Variants in PATJ observed in about 807,000 individuals in gnomAD.
The protein encoded by PATJ is PATJ crumbs cell polarity complex component.
PATJ carries 190 observed loss-of-function variants against 224.9 expected under a neutral mutation model. The observed-to-expected ratio is 0.84, with a 90% CI of 0.75 to 0.95. The LOEUF (loss-of-function observed/expected upper bound fraction) is 0.95. Among genes scored for constraint, PATJ ranks in the 40% least tolerant of loss-of-function variants. The probability of loss-of-function intolerance (pLI) is 0.00; values close to 1 mark genes in which losing one functional copy is unlikely to be tolerated. For synonymous variants in PATJ, 769 were observed against 820.3 expected (o/e 0.94, Z 1.07); for missense variants, 2,121 against 2,270.3 (o/e 0.93, Z 1.34).
chr1:62,131,356 A>T (rs143078835), intron 41 of PATJ, among the ~76,000 whole-genome samples: 3 of 152,220 alleles, frequency 2.0e-5, no homozygotes, highest in Non-Finnish European at 4.4e-5. Flanking sequence ...AATTACAAAG[A>T]CCTTAGGAGG....
At chr1:62,113,904 C>T (rs1664147393) in intron 34 of PATJ, 149 bp from the exon 35 acceptor site, 1 of 695,070 alleles carries the variant, frequency 1.4e-6, no homozygotes, top group African/African-American at 1.8e-5. Flanking sequence ...CAAAGCAGCT[C>T]ATACTGCTTG....
intron 14 of PATJ, among the ~76,000 whole-genome samples, chr1:61,817,541 G>A (rs1472917678): frequency 6.6e-6 from 1 of 152,152 alleles, no homozygotes; most frequent in African/African-American, 2.4e-5. Context: ...GTGTGCACCT[G>A]TAATCCCAGC....
chr1:61,927,582 C>T (rs1332944491), intron 26 of PATJ, 148 bp from the exon 27 acceptor site: 2 of 558,422 alleles, frequency 3.6e-6, no homozygotes, highest in East Asian at 3.0e-5. Context: ...TAAAATAATA[C>T]ATTGTGTTTG....
At chr1:62,003,209 G>C (rs1261908755) in intron 28 of PATJ, among the ~76,000 whole-genome samples, 1 of 152,192 alleles carries the variant, frequency 6.6e-6, no homozygotes, top group African/African-American at 2.4e-5. Context: ...TTGGTCAAGT[G>C]AAACAGCTTG....
intron 17 of PATJ, among the ~76,000 whole-genome samples, chr1:61,853,279 C>T (rs567401081): frequency 2.4e-4 from 37 of 152,202 alleles, no homozygotes; most frequent in African/African-American, 8.9e-4. Flanking sequence ...TTAGAATGTT[C>T]CTAAATTATC....
intron 26 of PATJ, among the ~76,000 whole-genome samples, chr1:61,926,954 C>T (rs1038061993): frequency 1.3e-5 from 2 of 152,042 alleles, no homozygotes; most frequent in Non-Finnish European, 1.5e-5. Flanking sequence ...TTGGGTATAT[C>T]GGCTCCTATT....
intron 27 of PATJ, among the ~76,000 whole-genome samples, chr1:61,960,670 A>G (rs1681144980): frequency 6.6e-6 from 1 of 152,158 alleles, no homozygotes; most frequent in African/African-American, 2.4e-5. Context: ...TCTCAAAAAA[A>G]AAAAAAAAAG....
At chr1:61,899,483 TTAAC>T in intron 22 of PATJ, 96 bp from the exon 23 acceptor site, 1 of 658,640 alleles carries the variant, frequency 1.5e-6, no homozygotes, top group Non-Finnish European at 2.5e-6. Flanking sequence ...TGAGAATCAT[TTAAC>T]TACCTATAGA....
chr1:62,048,118 A>G (rs1652878954), intron 30 of PATJ, among the ~76,000 whole-genome samples: 1 of 152,200 alleles, frequency 6.6e-6, no homozygotes, highest in African/African-American at 2.4e-5. Flanking sequence ...CATTATCCTC[A>G]TTTATGAATT....
At chr1:61,931,295 G>A (rs990967539) in intron 27 of PATJ, among the ~76,000 whole-genome samples, 5 of 152,162 alleles carry the variant, frequency 3.3e-5, no homozygotes, top group Admixed American at 3.3e-4. Flanking sequence ...TTCTGGTGGG[G>A]AGAAAGATTA....
chr1:61,806,515 A>T (rs1033770624), intron 13 of PATJ, among the ~76,000 whole-genome samples: 1 of 151,726 alleles, frequency 6.6e-6, no homozygotes, highest in Non-Finnish European at 1.5e-5. Flanking sequence ...GCTACTCGGG[A>T]GACTGAGGCA....
intron 2 of PATJ, 46 bp downstream of exon 2, chr1:61,762,960 T>C: frequency 6.6e-7 from 1 of 1,521,520 alleles, no homozygotes; most frequent in Non-Finnish European, 9.0e-7. Context: ...TATTTAAAAA[T>C]GGAATCTCAA....
At chr1:62,050,259 A>G (rs368492242) in intron 30 of PATJ, among the ~76,000 whole-genome samples, 18 of 152,328 alleles carry the variant, frequency 1.2e-4, no homozygotes, top group Admixed American at 3.9e-4. Context: ...AAAACAGTCA[A>G]CTGACTCAGT....
intron 41 of PATJ, among the ~76,000 whole-genome samples, chr1:62,140,909 T>C (rs1667435318): frequency 6.6e-6 from 1 of 151,744 alleles, no homozygotes; most frequent in Admixed American, 6.6e-5. Flanking sequence ...ACCTCATCTC[T>C]AAAAATAAAA....
rs58555932 is a variant in PATJ at position 62,122,363 on chromosome 1, T to TAAA, written c.5006-638_5006-636dup. Among the ~76,000 whole-genome samples the TAAA allele has an allele frequency of 1.5e-3, 119 of 81,532 alleles. 1 individual carries two copies. Among genetic ancestry groups the TAAA allele is most frequent in the African/African-American group, 4.6e-3 (111 of 24,172 alleles). The allele number at this position is 81,532 out of a possible 152,430, so 53.5% of individuals were successfully genotyped here. ...CTGGGCGACAGAGTGAGACTCCATC[T>TAAA]AAAAAAAAAAAAAAAAAAAAAACCA... On this transcript the variant is annotated intron_variant, in intron 38 of 43. Transcript: ENST00000642238.
At chr1:61,849,699 CA>C (rs1662516553) in intron 17 of PATJ, among the ~76,000 whole-genome samples, 1 of 152,208 alleles carries the variant, frequency 6.6e-6, no homozygotes, top group Non-Finnish European at 1.5e-5. Flanking sequence ...TCAAAATTAT[CA>C]AAGGAAATAA....
intron 30 of PATJ, among the ~76,000 whole-genome samples, chr1:62,042,052 AT>A (rs1651596331): frequency 6.6e-6 from 1 of 152,190 alleles, no homozygotes; most frequent in South Asian, 2.1e-4. Flanking sequence ...TATGTAAAAA[AT>A]ATGTAAAGTA....
intron 20 of PATJ, among the ~76,000 whole-genome samples, chr1:61,865,762 T>A (rs1244131102): frequency 1.3e-5 from 2 of 152,188 alleles, no homozygotes; most frequent in Admixed American, 6.5e-5. Context: ...CTTAGTAATA[T>A]GTTCATATGC....
intron 20 of PATJ, among the ~76,000 whole-genome samples, chr1:61,871,413 A>ACG (rs1156363527): frequency 7.8e-6 from 1 of 128,812 alleles, no homozygotes; most frequent in African/African-American, 2.9e-5. Flanking sequence ...GTATATATAT[A>ACG]CATATATATG....
Sources: allele counts gnomAD v4.1 joint callset (sites outside exome capture counted in the v4.1 genomes callset), GRCh38; gene constraint gnomAD v4.1.1; transcripts MANE v1.5; gene names NCBI Gene and HGNC (gene_info 2026-07-23, HGNC 2026-07-21).